Variants in TMEM132D observed in about 807,000 individuals in gnomAD.
TMEM132D encodes the protein transmembrane protein 132D, also known as mature OL transmembrane protein.
TMEM132D carries 21 observed loss-of-function variants against 62.3 expected under a neutral mutation model. That is an observed-to-expected ratio of 0.34 (90% CI 0.24 to 0.49). The LOEUF (loss-of-function observed/expected upper bound fraction) is 0.49. Among genes scored for constraint, TMEM132D ranks in the 20% least tolerant of loss-of-function variants. TMEM132D has a pLI of 0.99. For missense variants in TMEM132D, 1,346 were observed against 1,402.8 expected, an observed-to-expected ratio of 0.96 and a Z score of 0.65; for synonymous variants, 621 against 575.6, an observed-to-expected ratio of 1.08 and a Z score of -1.13.
chr12:129,285,539 A>G lies in TMEM132D; in HGVS notation c.1299+52095T>C, dbSNP rs10847825. ...GAGACTGTGTCTCAAAAAAAAAAAA[A>G]AGAGAGAGAGAGAGAGGCTCCCATT... On this transcript the variant is annotated intron_variant, in intron 4 of 8. Transcript: ENST00000422113. Among the ~76,000 whole-genome samples, 13 of 90,024 alleles carry G rather than the reference A, an allele frequency of 1.4e-4. 1 individual carries two copies. Among genetic ancestry groups the G allele is most frequent in the Non-Finnish European group, 1.9e-4 (9 of 46,782 alleles). The allele number at this position is 90,024 out of a possible 152,430, so 59.1% of individuals were successfully genotyped here.
Position 129,662,812 on chromosome 12 carries a change from A to AG in TMEM132D, c.968+36997_968+36998insC, listed in dbSNP as rs1555224286. On this transcript the variant is annotated intron_variant, in intron 2 of 8. Transcript: ENST00000422113. ...ATCTCAAAAAAAAAAAAAAAAAAAA[A>AG]AGAGAGAGAGAGAAAGAAATATGAG... Among the ~76,000 whole-genome samples, 772 of 83,306 alleles carry AG rather than the reference A, an allele frequency of 9.3e-3. 10 individuals carry two copies. Among genetic ancestry groups the AG allele is most frequent in the South Asian group, 0.067 (141 of 2,104 alleles). 54.7% of individuals were successfully genotyped at this position (83,306 alleles called of 152,430 possible).
chr12:129,705,740 G>A (rs1510820), intron 1 of TMEM132D, among the ~76,000 whole-genome samples: 133,749 of 152,184 alleles, frequency 0.88, 60,281 homozygotes, highest in Non-Finnish European at 0.99. Flanking sequence ...AAACATTTAC[G>A]TGTAGAATAC....
At chr12:129,892,624 T>A (rs1874964850) in intron 1 of TMEM132D, among the ~76,000 whole-genome samples, 3 of 152,226 alleles carry the variant, frequency 2.0e-5, no homozygotes, top group African/African-American at 7.2e-5. Flanking sequence ...TTTTCCCAAG[T>A]ATTATTACTT....
intron 1 of TMEM132D, among the ~76,000 whole-genome samples, chr12:129,710,467 T>C (rs1299083041): frequency 3.9e-5 from 6 of 152,050 alleles, no homozygotes; most frequent in Non-Finnish European, 7.4e-5. Context: ...GGCTAATTTT[T>C]TGTATTTTTA....
chr12:129,343,345 A>T (rs1163543450), intron 3 of TMEM132D, among the ~76,000 whole-genome samples: 1 of 148,844 alleles, frequency 6.7e-6, no homozygotes, highest in Non-Finnish European at 1.5e-5. Context: ...CAACCACCGC[A>T]TGTTCTCACT....
intron 2 of TMEM132D, among the ~76,000 whole-genome samples, chr12:129,657,419 C>G (rs973561032): frequency 1.3e-5 from 2 of 152,066 alleles, no homozygotes; most frequent in Non-Finnish European, 2.9e-5. Context: ...CACATTTCCA[C>G]CGTCAACTGG....
intron 4 of TMEM132D, among the ~76,000 whole-genome samples, chr12:129,335,023 T>C (rs539642738): frequency 7.6e-4 from 116 of 152,298 alleles, no homozygotes; most frequent in African/African-American, 2.8e-3. Context: ...ATTTATAACA[T>C]TATTGCCAGA....
At chr12:129,363,197 G>A (rs1422436317) in intron 3 of TMEM132D, among the ~76,000 whole-genome samples, 3 of 152,166 alleles carry the variant, frequency 2.0e-5, no homozygotes, top group Admixed American at 6.5e-5. Flanking sequence ...TAGGGAAAGC[G>A]ACATCACAGC....
intron 8 of TMEM132D, among the ~76,000 whole-genome samples, chr12:129,078,253 C>T (rs1189424716): frequency 6.6e-6 from 1 of 152,238 alleles, no homozygotes; most frequent in Admixed American, 6.5e-5. Context: ...GAGGGGTGGG[C>T]CTTTCCTCCA....
intron 1 of TMEM132D, among the ~76,000 whole-genome samples, chr12:129,708,112 G>T (rs1282674551): frequency 6.6e-6 from 1 of 152,150 alleles, no homozygotes; most frequent in Non-Finnish European, 1.5e-5. Context: ...AGCTAGTCAG[G>T]AGGCTGAGGT....
At chr12:129,819,411 T>C (rs1872479219) in intron 1 of TMEM132D, among the ~76,000 whole-genome samples, 1 of 152,222 alleles carries the variant, frequency 6.6e-6, no homozygotes, top group Non-Finnish European at 1.5e-5. Context: ...CTTTAGCTGC[T>C]AGGTCGGGGA....
intron 3 of TMEM132D, among the ~76,000 whole-genome samples, chr12:129,443,291 G>A (rs1201034430): frequency 6.6e-6 from 1 of 152,162 alleles, no homozygotes; most frequent in Non-Finnish European, 1.5e-5. Context: ...GATTCTGAAG[G>A]TGAGCCGCCT....
intron 3 of TMEM132D, among the ~76,000 whole-genome samples, chr12:129,510,073 T>C (rs532322703): frequency 2.0e-4 from 31 of 152,306 alleles, no homozygotes; most frequent in Non-Finnish European, 4.3e-4. Flanking sequence ...CTGTATTGAT[T>C]TACATTCCCA....
chr12:129,232,561 CAT>C (rs1295629234), intron 4 of TMEM132D, among the ~76,000 whole-genome samples: 1 of 152,132 alleles, frequency 6.6e-6, no homozygotes, highest in East Asian at 1.9e-4. Context: ...AGCATGGCCT[CAT>C]AGCTCAAATG....
chr12:129,329,006 A>T (rs1869014268), intron 4 of TMEM132D, among the ~76,000 whole-genome samples: 2 of 148,402 alleles, frequency 1.3e-5, no homozygotes, highest in South Asian at 4.2e-4. Context: ...GAACATATAT[A>T]TATAAACAAT....
chr12:129,450,817 T>C (rs1303261507), intron 3 of TMEM132D, among the ~76,000 whole-genome samples: 2 of 145,084 alleles, frequency 1.4e-5, no homozygotes, highest in African/African-American at 2.5e-5. Context: ...AGTGCAGTGC[T>C]GCAATCTCAG....
rs1874554227 is a variant in TMEM132D, at chr12:129,084,583, C to T, written c.1563G>A (p.Val521=). 1 of 1,614,112 alleles carries T rather than the reference C, an allele frequency of 6.2e-7. No individual in the cohort carries two copies. Among genetic ancestry groups the T allele is most frequent in the Admixed American group, 1.7e-5 (1 of 60,022 alleles). The change falls in exon 6 of 9, where the codon GTG becomes GTA. Residue 521 remains valine, a synonymous_variant. Transcript: ENST00000422113. ...LSSPLEMTVW[V]PRLPLQIEVS... is the part of the protein sequence containing the mutation. ...CCTCGATCTGCAGCGGAAGCCGGGGCACCCACACCGTCATCTCCAGGGGGC... is the reference window on the plus strand; with the variant it reads ...CCTCGATCTGCAGCGGAAGCCGGGGTACCCACACCGTCATCTCCAGGGGGC...
intron 3 of TMEM132D, among the ~76,000 whole-genome samples, chr12:129,508,845 G>T (rs753460498): frequency 3.3e-5 from 5 of 152,116 alleles, no homozygotes; most frequent in African/African-American, 4.8e-5. Flanking sequence ...TTTCTCCTAC[G>T]TAGGGAACTG....
chr12:129,871,035 G>C (rs191746550), intron 1 of TMEM132D, among the ~76,000 whole-genome samples: 100 of 152,228 alleles, frequency 6.6e-4, no homozygotes, highest in African/African-American at 2.3e-3. Flanking sequence ...TGAGGCTTCT[G>C]TCCCAGAAAT....
Sources: allele counts gnomAD v4.1 joint callset (sites outside exome capture counted in the v4.1 genomes callset), GRCh38; gene constraint gnomAD v4.1.1; transcripts MANE v1.5; gene names NCBI Gene and HGNC (gene_info 2026-07-23, HGNC 2026-07-21).